The following CIMIP2A variants were observed in gnomAD, a reference collection of about 807,000 sequenced individuals.
The protein encoded by CIMIP2A is family with sequence similarity 166 member A.
chr9:137,245,113 G>A, the CIMIP2A span: 2 of 1,605,238 alleles, frequency 1.2e-6, no homozygotes, highest in Non-Finnish European at 1.7e-6. Flanking sequence ...CGTTGGATTA[G>A]GTTAGGGTGG....
At chr9:137,250,694 G>T in the CIMIP2A span, 10 of 158,104 alleles carry the variant, frequency 6.3e-5, no homozygotes, top group South Asian at 1.8e-3. Flanking sequence ...TAGCCTCTGT[G>T]CCCCCAGGTG....
At chr9:137,244,169 A>C in the CIMIP2A span, 3 of 1,613,470 alleles carry the variant, frequency 1.9e-6, no homozygotes, top group Non-Finnish European at 2.5e-6. Context: ...CACTCTACTC[A>C]CCGGGGATGA....
chr9:137,253,549 GTCATTTCCGGCTT>G, the CIMIP2A span: 1 of 1,362,614 alleles, frequency 7.3e-7, no homozygotes, highest in Non-Finnish European at 9.5e-7. Flanking sequence ...CTGCCGCTGG[GTCATTTCCGGCTT>G]TCCCTGTTGA....
At chr9:137,245,396 C>T in the CIMIP2A span, 1 of 1,613,636 alleles carries the variant, frequency 6.2e-7, no homozygotes, top group Non-Finnish European at 8.5e-7. Context: ...CTGGAGTCTC[C>T]CTTCCTGCCT....
the CIMIP2A span, among the ~76,000 whole-genome samples, chr9:137,248,986 C>T: frequency 6.6e-6 from 1 of 151,152 alleles, no homozygotes; most frequent in African/African-American, 2.4e-5. Flanking sequence ...AAGATATAAA[C>T]AACACCTCCA....
chr9:137,251,389 C>CCCA, the CIMIP2A span: 1 of 1,610,328 alleles, frequency 6.2e-7, no homozygotes. Flanking sequence ...ACAACCAGAG[C>CCCA]CCACCCAGTA....
the CIMIP2A span, among the ~76,000 whole-genome samples, chr9:137,243,973 C>T: frequency 1.3e-5 from 2 of 152,022 alleles, no homozygotes; most frequent in Admixed American, 1.3e-4. Context: ...CGGCCTGTGT[C>T]TGGGACTTAG....
chr9:137,245,583 T>C, the CIMIP2A span: 3 of 1,613,472 alleles, frequency 1.9e-6, no homozygotes, highest in Non-Finnish European at 2.5e-6. Context: ...AGCCTGTGAG[T>C]GCCGGGACAG....
At chr9:137,244,506 G>A in the CIMIP2A span, 1 of 1,504,790 alleles carries the variant, frequency 6.6e-7, no homozygotes, top group South Asian at 1.3e-5. Flanking sequence ...TCCGGGGACA[G>A]GAGAGAGCCA....
the CIMIP2A span, chr9:137,251,689 G>A: frequency 6.5e-7 from 1 of 1,540,820 alleles, no homozygotes. Flanking sequence ...GGGGCATGTG[G>A]CTGGGAGCGG....
At chr9:137,245,020 G>A in the CIMIP2A span, 17 of 1,610,290 alleles carry the variant, frequency 1.1e-5, no homozygotes, top group Admixed American at 1.7e-5. Flanking sequence ...CCTCCTCAGG[G>A]GCTCTCACAC....
chr9:137,252,408 C>A, the CIMIP2A span: 1 of 1,599,352 alleles, frequency 6.3e-7, no homozygotes, highest in Non-Finnish European at 8.5e-7. Context: ...GGGCTCCCAG[C>A]CTTCTCTCTC....
At chr9:137,252,364 GA>G in the CIMIP2A span, 9 of 1,489,674 alleles carry the variant, frequency 6.0e-6, no homozygotes, top group African/African-American at 1.2e-4. Context: ...TGGGAACCGG[GA>G]GACAGGTTCG....
At chr9:137,244,114 C>T in the CIMIP2A span, 138 of 1,522,438 alleles carry the variant, frequency 9.1e-5, 4 homozygotes, top group East Asian at 1.5e-3. Context: ...GCAGGTAGAG[C>T]CGTCCCTCCC....
the CIMIP2A span, chr9:137,244,874 GC>G: frequency 6.4e-7 from 1 of 1,567,864 alleles, no homozygotes; most frequent in Non-Finnish European, 8.6e-7. Context: ...GTCTGATGTG[GC>G]CAAATGGGAA....
At chr9:137,253,017 G>A in the CIMIP2A span, 1 of 1,544,086 alleles carries the variant, frequency 6.5e-7, no homozygotes, top group Non-Finnish European at 8.8e-7. Context: ...GGTGGGCAAT[G>A]TGAGGACAAG....
chr9:137,244,348 T>C, the CIMIP2A span: 3 of 1,608,768 alleles, frequency 1.9e-6, no homozygotes, highest in Non-Finnish European at 1.7e-6. Flanking sequence ...GATAGTCAAG[T>C]TGTCCCAGTG....
the CIMIP2A span, chr9:137,252,074 GTCCGTACGAGAGTCC>G: frequency 4.6e-5 from 74 of 1,612,844 alleles, no homozygotes; most frequent in Non-Finnish European, 6.3e-5. Context: ...TGCCGAGCCC[GTCCGTACGAGAGTCC>G]TCCCCACACC....
chr9:137,245,878 G>T, the CIMIP2A span: 1 of 1,483,630 alleles, frequency 6.7e-7, no homozygotes, highest in South Asian at 1.4e-5. Context: ...GAAGAAGGCA[G>T]GGCAGGTCTC....
Sources: allele counts gnomAD v4.1 joint callset (sites outside exome capture counted in the v4.1 genomes callset), GRCh38; gene constraint gnomAD v4.1.1; transcripts MANE v1.5; gene names NCBI Gene and HGNC (gene_info 2026-07-23, HGNC 2026-07-21).